PCDHGA2: variants seen among roughly 807,000 people sequenced by gnomAD.
The protein encoded by PCDHGA2 is protocadherin gamma-A2.
In PCDHGA2, 40 loss-of-function variants were observed where a neutral mutation model predicts 59.2. The observed-to-expected ratio is 0.68, with a 90% CI of 0.52 to 0.88. The LOEUF (loss-of-function observed/expected upper bound fraction) is 0.88, where lower values mean the gene tolerates loss of function less well. PCDHGA2 is among the 40% of genes least tolerant of loss of function. The pLI is 0.00. For synonymous variants in PCDHGA2, 560 were observed against 526.0 expected (o/e 1.06, Z -0.89); for missense variants, 1,226 against 1,204.0 (o/e 1.02, Z -0.27).
chr5:141,431,709 T>A lies in PCDHGA2; in HGVS notation c.2425-63098T>A. 6.2e-7 allele frequency: 1 copy of A among 1,614,168 alleles called. No individual in the cohort carries two copies. Among genetic ancestry groups the A allele is most frequent in the Non-Finnish European group, 8.5e-7 (1 of 1,180,018 alleles). ...CACGAGGAGTCAGGATTCTACCAGA[T>A]GGAAGTGCAAGCAATGGATAATGCA... On this transcript the variant is annotated intron_variant, in intron 1 of 3. Coordinates refer to ENST00000394576, the MANE Select transcript of PCDHGA2 (RefSeq NM_018915.4). This position sits in a 1 kb window ranked among gnomAD's most constrained non-coding sequence, Gnocchi z 4.8.
chr5:141,494,801 C>T lies in PCDHGA2; in HGVS notation c.2425-6C>T, dbSNP rs2099757031. ...CTCAGCCCCTTTCCCTCTGTTTTCTCCACAGCAAGCCCCGCCCAACACGGA... is the reference window on the plus strand; with the variant it reads ...CTCAGCCCCTTTCCCTCTGTTTTCTTCACAGCAAGCCCCGCCCAACACGGA... On this transcript the variant is annotated splice_polypyrimidine_tract_variant and splice_region_variant and intron_variant, in intron 1 of 3. Transcript: ENST00000394576. The T allele has an allele frequency of 6.2e-7, 1 of 1,614,146 alleles. No individual in the cohort carries two copies. The highest frequency in any genetic ancestry group is 2.2e-5 in the East Asian group (1 of 44,880).
At position 141,485,566 on chromosome 5, in the gene PCDHGA2, C is replaced by T. The variant is rs768144422; in HGVS notation, c.2425-9241C>T. The T allele has an allele frequency of 6.2e-7, 1 of 1,612,926 alleles. No homozygotes were observed. Among genetic ancestry groups the T allele is most frequent in the African/African-American group, 1.3e-5 (1 of 75,016 alleles). ...TCGTAGATGTGAATGATCACGCCCC[C>T]CGTTTTCCGCGGCAGCAGCTGGACT... On this transcript the variant is annotated intron_variant, in intron 1 of 3. Transcript: ENST00000394576. The surrounding 1 kb of genome is among the most constrained non-coding windows in gnomAD (Gnocchi z 5.7).
At chr5:141,443,820 T>A (rs1329478151) in intron 1 of PCDHGA2, among the ~76,000 whole-genome samples, 1 of 151,986 alleles carries the variant, frequency 6.6e-6, no homozygotes, top group Non-Finnish European at 1.5e-5. Context: ...TTGGAAAACA[T>A]AATTAGGTAA....
At chr5:141,409,960 C>T (rs1182396334) in intron 1 of PCDHGA2, 1 of 1,613,416 alleles carries the variant, frequency 6.2e-7, no homozygotes. Context: ...AGCCCGGCTA[C>T]CTAGTGACTA....
chr5:141,452,278 T>C (rs1047687328), intron 1 of PCDHGA2, among the ~76,000 whole-genome samples: 1 of 152,226 alleles, frequency 6.6e-6, no homozygotes, highest in African/African-American at 2.4e-5. Context: ...AACCCTTTCT[T>C]ACTTTCTGAT....
At chr5:141,395,578 G>A (rs2093281923) in intron 1 of PCDHGA2, 1 of 227,714 alleles carries the variant, frequency 4.4e-6, no homozygotes, top group East Asian at 9.3e-5. Flanking sequence ...GTGTGTGTGT[G>A]TGTGTGTGTG....
At chr5:141,430,261 A>T (rs1236197353) in intron 1 of PCDHGA2, among the ~76,000 whole-genome samples, 1 of 152,104 alleles carries the variant, frequency 6.6e-6, no homozygotes, top group African/African-American at 2.4e-5. Context: ...CATCTCCATA[A>T]TAGGTGTGTT....
chr5:141,387,871 G>A (rs1275687057), intron 1 of PCDHGA2: 4 of 1,589,520 alleles, frequency 2.5e-6, no homozygotes, highest in Admixed American at 1.8e-5. Context: ...AGCAAGCTGA[G>A]GAGAGCAAGA....
rs1212381177 is a variant in PCDHGA2 at position 141,438,571 on chromosome 5, TATAC to T, written c.2425-56216_2425-56213del. ...GCCCTAATAAGAGGCAGCTGTCTGATATACATACATACATACATACATATATATA... is the reference window on the plus strand; with the variant it reads ...GCCCTAATAAGAGGCAGCTGTCTGATATACATACATACATACATATATATA... On this transcript the variant is annotated intron_variant, in intron 1 of 3. Transcript: ENST00000394576. 9.4e-4 allele frequency among the ~76,000 whole-genome samples: 89 copies of T among 94,500 alleles called. 1 individual carries two copies. The highest frequency in any genetic ancestry group is 1.8e-3 in the African/African-American group (37 of 20,720). The allele number at this position is 94,500 out of a possible 152,430, so 62.0% of individuals were successfully genotyped here.
chr5:141,453,144 C>T lies in PCDHGA2; in HGVS notation c.2425-41663C>T, dbSNP rs530175947. ...TTGTTTTGTTTTTGAGATAGGGTCT[C>T]GCTATGTCACCCAGGCTGGAGTCCA... On this transcript the variant is annotated intron_variant, in intron 1 of 3. Transcript: ENST00000394576. Among the ~76,000 whole-genome samples, 290 of 152,062 alleles carry T rather than the reference C, an allele frequency of 1.9e-3. 1 individual carries two copies. The highest frequency in any genetic ancestry group is 6.3e-3 in the African/African-American group (260 of 41,478).
chr5:141,409,351 G>T, intron 1 of PCDHGA2: 1 of 1,613,982 alleles, frequency 6.2e-7, no homozygotes, highest in South Asian at 1.1e-5. Flanking sequence ...GAGAAGTCAG[G>T]TGTAATATAG....
chr5:141,422,117 C>A, intron 1 of PCDHGA2: 1 of 1,604,272 alleles, frequency 6.2e-7, no homozygotes, highest in East Asian at 2.2e-5. Context: ...CAATTGGATT[C>A]ACAAACTGGA....
chr5:141,370,731 C>T (rs757565497), intron 1 of PCDHGA2: 6 of 1,613,798 alleles, frequency 3.7e-6, no homozygotes, highest in Non-Finnish European at 5.1e-6. Context: ...TGCTGAAAAG[C>T]CTTTAAACTT....
intron 1 of PCDHGA2, chr5:141,405,544 C>T: frequency 1.6e-6 from 1 of 632,908 alleles, no homozygotes; most frequent in Non-Finnish European, 2.7e-6. Context: ...CTCAGCCTCC[C>T]AAGTAGAGTA....
chr5:141,485,274 C>T lies in PCDHGA2; in HGVS notation c.2425-9533C>T. On this transcript the variant is annotated intron_variant, in intron 1 of 3. Transcript: ENST00000394576. The surrounding 1 kb of genome is among the most constrained non-coding windows in gnomAD (Gnocchi z 5.7). Reference sequence around the variant, plus strand: ...TACGTTTGTGGGCAGATCCGCTACCCGGTCCCAGAGGAGTCACAGGAAGGG... The same window carrying T: ...TACGTTTGTGGGCAGATCCGCTACCTGGTCCCAGAGGAGTCACAGGAAGGG... The T allele has an allele frequency of 6.2e-7, 1 of 1,614,106 alleles. No individual in the cohort carries two copies. Among genetic ancestry groups the T allele is most frequent in the South Asian group, 1.1e-5 (1 of 91,086 alleles).
chr5:141,488,751 C>T (rs1185515068), intron 1 of PCDHGA2, among the ~76,000 whole-genome samples: 1 of 152,154 alleles, frequency 6.6e-6, no homozygotes, highest in Non-Finnish European at 1.5e-5. Context: ...CAGGAAGTTG[C>T]TGGGACAGAA....
chr5:141,414,550 G>A (rs773044624), intron 1 of PCDHGA2: 1 of 1,613,948 alleles, frequency 6.2e-7, no homozygotes, highest in East Asian at 2.2e-5. Flanking sequence ...CTTCTCTCAA[G>A]TCTCCTACTT....
chr5:141,472,980 CA>C (rs60579131), intron 1 of PCDHGA2, among the ~76,000 whole-genome samples: 39,687 of 85,940 alleles, frequency 0.46, 5,633 homozygotes, highest in African/African-American at 0.56. Flanking sequence ...GAGTGAAACT[CA>C]AAAAAAAAAA....
At chr5:141,463,165 C>G (rs1042153238) in intron 1 of PCDHGA2, among the ~76,000 whole-genome samples, 1 of 152,148 alleles carries the variant, frequency 6.6e-6, no homozygotes, top group Non-Finnish European at 1.5e-5. Context: ...TCAGTGCACT[C>G]TATGTATGCT....
Sources: allele counts gnomAD v4.1 joint callset (sites outside exome capture counted in the v4.1 genomes callset), GRCh38; gene constraint gnomAD v4.1.1; non-coding constraint Gnocchi (gnomAD v3.1); transcripts MANE v1.5; gene names NCBI Gene and HGNC (gene_info 2026-07-23, HGNC 2026-07-21).